Variants in ATOSB observed in about 807,000 individuals in gnomAD.
ATOSB encodes atos homolog B, also known as atos homolog protein B.
the ATOSB span, chr9:35,115,839 G>T: frequency 6.6e-6 from 1 of 152,192 alleles, no homozygotes; most frequent in African/African-American, 2.4e-5. Context: ...ACTTGGGGAC[G>T]TGGTAGTGGT....
At chr9:35,113,725 T>C in the ATOSB span, among the ~76,000 whole-genome samples, 1 of 152,184 alleles carries the variant, frequency 6.6e-6, no homozygotes, top group Non-Finnish European at 1.5e-5. Flanking sequence ...TTTTTTTTTA[T>C]ATAGCGGTTA....
chr9:35,113,266 T>C, the ATOSB span, among the ~76,000 whole-genome samples: 2 of 152,172 alleles, frequency 1.3e-5, no homozygotes, highest in Admixed American at 1.3e-4. Context: ...AGGACAATAG[T>C]TCAGGGTGAA....
chr9:35,104,720 C>A, the ATOSB span: 1 of 288,304 alleles, frequency 3.5e-6, no homozygotes, highest in Non-Finnish European at 7.7e-6. Flanking sequence ...CTTCCCTCAG[C>A]TGAGGGAAAG....
chr9:35,107,585 A>C, the ATOSB span: 1 of 1,587,784 alleles, frequency 6.3e-7, no homozygotes, highest in African/African-American at 1.4e-5. Flanking sequence ...GTCCAGGGCC[A>C]GGGGGTGTGT....
At chr9:35,115,806 T>A in the ATOSB span, 1 of 152,202 alleles carries the variant, frequency 6.6e-6, no homozygotes, top group Non-Finnish European at 1.5e-5. Context: ...GCCCCACACC[T>A]GTAGTTCCGT....
the ATOSB span, among the ~76,000 whole-genome samples, chr9:35,114,909 G>A: frequency 6.6e-6 from 1 of 152,114 alleles, no homozygotes; most frequent in South Asian, 2.1e-4. Flanking sequence ...GAGCCCTGCC[G>A]CTGGTTACCA....
At chr9:35,114,478 T>C in the ATOSB span, among the ~76,000 whole-genome samples, 2 of 151,818 alleles carry the variant, frequency 1.3e-5, no homozygotes, top group East Asian at 1.9e-4. Context: ...ATTTAGCCAC[T>C]GTGTGGAACT....
the ATOSB span, among the ~76,000 whole-genome samples, chr9:35,113,731 G>A: frequency 1.4e-4 from 21 of 151,480 alleles, no homozygotes; most frequent in Non-Finnish European, 2.1e-4. Context: ...TTTATATAGC[G>A]GTTATCACTA....
the ATOSB span, chr9:35,112,392 T>C: frequency 2.0e-5 from 3 of 152,258 alleles, no homozygotes; most frequent in South Asian, 6.2e-4. Flanking sequence ...CTGCCCAGAA[T>C]GGGGGAAATG....
At chr9:35,115,467 G>A in the ATOSB span, among the ~76,000 whole-genome samples, 4 of 151,898 alleles carry the variant, frequency 2.6e-5, no homozygotes, top group South Asian at 4.2e-4. Flanking sequence ...CCTAGATAGT[G>A]CCCGCAGACC....
At chr9:35,115,265 G>A in the ATOSB span, among the ~76,000 whole-genome samples, 16 of 152,088 alleles carry the variant, frequency 1.1e-4, no homozygotes, top group Non-Finnish European at 2.2e-4. Context: ...CAGGCCAGAA[G>A]GCGGAGTTAA....
At chr9:35,110,958 ACAC>A in the ATOSB span, 1 of 152,162 alleles carries the variant, frequency 6.6e-6, no homozygotes, top group African/African-American at 2.4e-5. Flanking sequence ...ACATACATCC[ACAC>A]AAGCTAGGGG....
At chr9:35,112,183 T>A in the ATOSB span, 1 of 152,230 alleles carries the variant, frequency 6.6e-6, no homozygotes, top group East Asian at 1.9e-4. Context: ...CCTCTGTTAC[T>A]CTTAAATTGA....
the ATOSB span, chr9:35,104,783 G>A: frequency 1.0e-5 from 2 of 190,860 alleles, no homozygotes; most frequent in South Asian, 7.8e-5. Context: ...TGAGGTTGGA[G>A]CAATATCTGA....
At chr9:35,106,824 G>T in the ATOSB span, 3 of 1,565,506 alleles carry the variant, frequency 1.9e-6, no homozygotes, top group Non-Finnish European at 2.6e-6. The surrounding 1 kb of genome is among the most constrained non-coding windows in gnomAD (Gnocchi z 4.6). Context: ...GAAAAAGCTG[G>T]TCACTTACAG....
chr9:35,106,622 C>T, the ATOSB span: 6 of 1,556,098 alleles, frequency 3.9e-6, no homozygotes, highest in Non-Finnish European at 5.2e-6. This position sits in a 1 kb window ranked among gnomAD's most constrained non-coding sequence, Gnocchi z 4.6. Flanking sequence ...CTGGCCCCTT[C>T]CGGAGGCTTC....
chr9:35,107,988 G>A, the ATOSB span: 1 of 1,592,580 alleles, frequency 6.3e-7, no homozygotes, highest in East Asian at 2.2e-5. Flanking sequence ...CACAGTAGAT[G>A]GTTCTTCAGG....
chr9:35,106,602 C>T, the ATOSB span: 6 of 1,563,388 alleles, frequency 3.8e-6, no homozygotes, highest in Non-Finnish European at 5.2e-6. This position sits in a 1 kb window ranked among gnomAD's most constrained non-coding sequence, Gnocchi z 4.6. Context: ...ACTGGGGGGG[C>T]TCAGCAGGCC....
chr9:35,105,311 G>A, the ATOSB span: 1 of 1,614,114 alleles, frequency 6.2e-7, no homozygotes. The surrounding 1 kb of genome is among the most constrained non-coding windows in gnomAD (Gnocchi z 5.5). Flanking sequence ...CCAGGCTCCG[G>A]CGGGAAAAAA....
Sources: allele counts gnomAD v4.1 joint callset (sites outside exome capture counted in the v4.1 genomes callset), GRCh38; gene constraint gnomAD v4.1.1; non-coding constraint Gnocchi (gnomAD v3.1); transcripts MANE v1.5; gene names NCBI Gene and HGNC (gene_info 2026-07-23, HGNC 2026-07-21).